Variants in CDH12 observed in about 807,000 individuals in gnomAD.
The protein encoded by CDH12 is cadherin-12.
A neutral mutation model predicts 74.1 loss-of-function variants in CDH12; 41 were observed. That is an observed-to-expected ratio of 0.55 (90% CI 0.43 to 0.72). The LOEUF (loss-of-function observed/expected upper bound fraction) is 0.72, where lower values mean the gene tolerates loss of function less well. Ranked by LOEUF, CDH12 falls within the 30% of genes least tolerant of loss-of-function variation. The pLI is 0.00. For synonymous variants in CDH12, 399 were observed against 355.0 expected (o/e 1.12, Z -1.39); for missense variants, 945 against 977.2 (o/e 0.97, Z 0.44).
At chr5:22,427,426 A>T (rs1743987660) in intron 2 of CDH12, among the ~76,000 whole-genome samples, 1 of 152,152 alleles carries the variant, frequency 6.6e-6, no homozygotes, top group South Asian at 2.1e-4. Context: ...ACAGCCTCCC[A>T]AATTGCTGGG....
chr5:21,883,686 C>T (rs1752479499), intron 6 of CDH12: 7 of 1,611,730 alleles, frequency 4.3e-6, no homozygotes, highest in Admixed American at 3.3e-5. Flanking sequence ...TGACAAGGCT[C>T]AACTTGAAAA....
At chr5:22,230,338 A>AT (rs1206008702) in intron 3 of CDH12, among the ~76,000 whole-genome samples, 2 of 152,252 alleles carry the variant, frequency 1.3e-5, no homozygotes, top group East Asian at 3.9e-4. Flanking sequence ...TTTTTCTGGT[A>AT]TCCTTAGTGT....
intron 2 of CDH12, among the ~76,000 whole-genome samples, chr5:22,453,306 C>T (rs761450636): frequency 6.6e-6 from 1 of 152,020 alleles, no homozygotes; most frequent in Non-Finnish European, 1.5e-5. Context: ...CAGCATTCTT[C>T]ACAATAACCA....
At chr5:22,544,677 T>G (rs1311331010) in intron 1 of CDH12, among the ~76,000 whole-genome samples, 1 of 151,978 alleles carries the variant, frequency 6.6e-6, no homozygotes, top group Non-Finnish European at 1.5e-5. Flanking sequence ...ATTAGCCAGG[T>G]GCAGTGGCAC....
intron 2 of CDH12, among the ~76,000 whole-genome samples, chr5:22,494,662 C>T: frequency 6.6e-6 from 1 of 152,140 alleles, no homozygotes; most frequent in Admixed American, 6.5e-5. Flanking sequence ...TTGAATAAAG[C>T]TGCAGTTTCC....
intron 12 of CDH12, among the ~76,000 whole-genome samples, chr5:21,764,651 G>A (rs139088795): frequency 0.013 from 1,397 of 109,556 alleles, no homozygotes; most frequent in African/African-American, 0.019. Context: ...TTCATATCAA[G>A]AAAAAAAAAA....
intron 1 of CDH12, among the ~76,000 whole-genome samples, chr5:22,818,281 G>A (rs1749492128): frequency 6.6e-6 from 1 of 152,078 alleles, no homozygotes; most frequent in South Asian, 2.1e-4. Context: ...ATCCTAGACA[G>A]CTCTACTTTT....
chr5:21,993,510 C>T (rs1431714938), intron 5 of CDH12, among the ~76,000 whole-genome samples: 1 of 152,132 alleles, frequency 6.6e-6, no homozygotes, highest in African/African-American at 2.4e-5. Flanking sequence ...TGGAAGAAAG[C>T]AAATACATGT....
At chr5:21,895,149 A>G (rs895716497) in intron 6 of CDH12, among the ~76,000 whole-genome samples, 9 of 152,128 alleles carry the variant, frequency 5.9e-5, no homozygotes, top group African/African-American at 2.2e-4. Context: ...TAGCACAGAG[A>G]AGAAGACAGA....
chr5:22,574,116 G>C (rs1436014535), intron 1 of CDH12, among the ~76,000 whole-genome samples: 2 of 110,962 alleles, frequency 1.8e-5, no homozygotes, highest in African/African-American at 3.6e-5. Context: ...GTCTCGCTCT[G>C]TCTCCTAGGC....
intron 4 of CDH12, among the ~76,000 whole-genome samples, chr5:22,192,987 G>A (rs144360725): frequency 2.4e-4 from 37 of 151,926 alleles, no homozygotes; most frequent in Middle Eastern, 3.4e-3. Context: ...TAAGGAAGTC[G>A]GAAAAAAACT....
At chr5:22,669,109 T>C (rs533253472) in intron 1 of CDH12, among the ~76,000 whole-genome samples, 1 of 152,276 alleles carries the variant, frequency 6.6e-6, no homozygotes, top group South Asian at 2.1e-4. Flanking sequence ...TTTTTTCCTT[T>C]AGCCATTTTT....
At chr5:22,847,240 C>T (rs1018683956) in intron 1 of CDH12, among the ~76,000 whole-genome samples, 2 of 152,152 alleles carry the variant, frequency 1.3e-5, no homozygotes, top group African/African-American at 4.8e-5. Flanking sequence ...AACTTAAAGC[C>T]TTGCCAAGAG....
intron 2 of CDH12, among the ~76,000 whole-genome samples, chr5:22,456,244 A>ATG (rs58290508): frequency 0.4 from 58,107 of 147,038 alleles, 11,403 homozygotes; most frequent in Non-Finnish European, 0.42. Flanking sequence ...GTCTATATAT[A>ATG]TGTGTGTGTG....
At chr5:22,207,804 C>T (rs542357682) in intron 4 of CDH12, among the ~76,000 whole-genome samples, 1 of 152,240 alleles carries the variant, frequency 6.6e-6, no homozygotes, top group South Asian at 2.1e-4. Context: ...TGAAATTGTT[C>T]CTGGAAGTTT....
At chr5:22,046,594 T>C (rs1310061871) in intron 5 of CDH12, among the ~76,000 whole-genome samples, 1 of 152,018 alleles carries the variant, frequency 6.6e-6, no homozygotes, top group Non-Finnish European at 1.5e-5. Flanking sequence ...TTTTTCTTAA[T>C]CTATAATGTG....
intron 3 of CDH12, among the ~76,000 whole-genome samples, chr5:22,324,704 G>A (rs940325890): frequency 6.6e-6 from 1 of 151,866 alleles, no homozygotes. Context: ...GTTTAATGTG[G>A]CTTCAAAAAT....
chr5:21,849,297 T>G lies in CDH12; in HGVS notation c.646+5374A>C, dbSNP rs926106191. On this transcript the variant is annotated intron_variant, in intron 7 of 14. Coordinates refer to ENST00000382254, the MANE Select transcript of CDH12 (RefSeq NM_004061.5). ...ATTTTCCTTTCAAGCCCAAACATCC[T>G]TAGTTATTTTTGCTGATGTGTTCAT... 8.6e-5 allele frequency among the ~76,000 whole-genome samples: 13 copies of G among 151,732 alleles called. No homozygotes were observed. The Admixed American group carries it at 8.6e-4, about 10-fold the overall frequency.
At chr5:22,814,609 C>G (rs1003270814) in intron 1 of CDH12, among the ~76,000 whole-genome samples, 4 of 152,082 alleles carry the variant, frequency 2.6e-5, no homozygotes, top group Non-Finnish European at 4.4e-5. Context: ...AGGGTGAATA[C>G]AATCTGAAAA....
Sources: gnomAD v4.1 joint callset for allele counts (sites outside exome capture counted in the v4.1 genomes callset) on GRCh38, gnomAD v4.1.1 for gene constraint, MANE v1.5 for transcripts, NCBI Gene and HGNC (gene_info 2026-07-23, HGNC 2026-07-21) for gene names.